SEL1L: variants seen among roughly 807,000 people sequenced by gnomAD.
The protein encoded by SEL1L is protein sel-1 homolog 1.
A neutral mutation model predicts 109.8 loss-of-function variants in SEL1L; 52 were observed. The observed-to-expected ratio is 0.47, with a 90% CI of 0.38 to 0.60. SEL1L has a LOEUF of 0.60. Ranked by LOEUF, SEL1L falls within the 20% of genes least tolerant of loss-of-function variation. The probability of loss-of-function intolerance (pLI) is 0.00; values close to 1 mark genes in which losing one functional copy is unlikely to be tolerated. For missense variants in SEL1L, 749 were observed against 962.2 expected (o/e 0.78, Z 2.93); for synonymous variants, 373 against 339.6 (o/e 1.10, Z -1.08).
At position 81,484,391 on chromosome 14, in the gene SEL1L, G is replaced by C. The variant is rs1903455170; in HGVS notation, c.1880C>G (p.Thr627Ser). The C allele has an allele frequency of 6.2e-7, 1 of 1,609,976 alleles. No individual in the cohort carries two copies. Among genetic ancestry groups the C allele is most frequent in the Non-Finnish European group, 8.5e-7 (1 of 1,176,740 alleles). Residue 627 changes from threonine to serine, a missense_variant, in exon 19 of 21, where the codon ACT becomes AGT. Transcript: ENST00000336735. ...HWNRAASQGY[T>S]VARIKLGDYH... ...GTCTCCGAGCTTAATTCTAGCCACA[G>C]TATAGCCTTAAACAAAAGTTAAATG...
chr14:81,507,533 A>G lies in SEL1L; in HGVS notation c.341-1292T>C, dbSNP rs150080527. ...CTAAAGGAGGAGTAGGTTACTGGGT[A>G]GGTACTGCTACATTCAAGGTGGCTA... On this transcript the variant is annotated intron_variant, in intron 3 of 20. Transcript: ENST00000336735. 4.0e-3 allele frequency among the ~76,000 whole-genome samples: 604 copies of G among 152,184 alleles called. 3 individuals are homozygous for G. The highest frequency in any genetic ancestry group is 0.02 in the Middle Eastern group (6 of 294).
Position 81,474,300 on chromosome 14 carries a change from A to C in SEL1L, c.*2672T>G, listed in dbSNP as rs578095121. ...TCTGTAAAATAAAACTAGAAGCAAAATGAATAGTTTCAAGACAGTCGGCTA... is the reference window on the plus strand; with the variant it reads ...TCTGTAAAATAAAACTAGAAGCAAACTGAATAGTTTCAAGACAGTCGGCTA... On this transcript the variant is annotated 3_prime_UTR_variant, in exon 21 of 21. Coordinates refer to ENST00000336735, the MANE Select transcript of SEL1L (RefSeq NM_005065.6). 2 of 152,130 alleles carry C rather than the reference A, an allele frequency of 1.3e-5. No homozygotes were observed. Among genetic ancestry groups the C allele is most frequent in the East Asian group, 3.9e-4 (2 of 5,184 alleles). 9.4% of individuals were successfully genotyped at this position (152,130 alleles called of 1,614,324 possible).
chr14:81,527,824 AAAT>A lies in SEL1L; in HGVS notation c.71-89_71-87del, dbSNP rs781140562. On this transcript the variant is annotated intron_variant, in intron 1 of 20. Coordinates refer to ENST00000336735, the MANE Select transcript of SEL1L (RefSeq NM_005065.6). ...AAAGAAAACATGTGAAAAGTATAGC[AAAT>A]AATAATCAAACATTGGATAAATAAA... is the stretch of plus-strand genomic sequence containing the variant. 5.9e-4 allele frequency: 500 copies of A among 851,254 alleles called. 1 individual carries two copies. Among genetic ancestry groups the A allele is most frequent in the Non-Finnish European group, 8.8e-4 (460 of 523,978 alleles). 52.7% of individuals were successfully genotyped at this position (851,254 alleles called of 1,614,324 possible). A position where few individuals can be genotyped will look rare whatever the true frequency, so the allele number is the denominator to read the frequency against.
chr14:81,496,139 T>C (rs775039691), intron 10 of SEL1L, among the ~76,000 whole-genome samples: 5 of 151,740 alleles, frequency 3.3e-5, no homozygotes, highest in Admixed American at 1.3e-4. Flanking sequence ...CTGGATAACA[T>C]GGTGAAACCC....
chr14:81,509,329 T>C (rs1884369393), intron 3 of SEL1L, among the ~76,000 whole-genome samples: 1 of 152,214 alleles, frequency 6.6e-6, no homozygotes. Context: ...AGGTAATCAC[T>C]GCTCTGGTAT....
intron 14 of SEL1L, chr14:81,488,872 G>A (rs909165748): frequency 1.1e-5 from 3 of 264,874 alleles, no homozygotes; most frequent in African/African-American, 7.0e-5. Flanking sequence ...AGGGGTAAAG[G>A]GCAGAACAGA....
intron 20 of SEL1L, 119 bp from the exon 21 acceptor site, chr14:81,477,300 G>T: frequency 4.2e-6 from 2 of 481,366 alleles, no homozygotes; most frequent in Non-Finnish European, 3.6e-6. Flanking sequence ...AAAACGTTTT[G>T]CAATGTGTGT....
rs552830169 is a variant in SEL1L at position 81,499,878 on chromosome 14, T to A, written c.778-216A>T. On this transcript the variant is annotated intron_variant, in intron 6 of 20. Transcript: ENST00000336735. ...AATTAAATTAAATGTAGCATTATTT[T>A]AAAAAAAATTTTATTTATTTGTGGC... Among the ~76,000 whole-genome samples the A allele has an allele frequency of 4.1e-4, 62 of 150,380 alleles. 2 individuals are homozygous for A. In the East Asian group the frequency reaches 7.2e-3, roughly 17 times the overall value.
chr14:81,529,390 A>AC (rs1260588799), intron 1 of SEL1L, among the ~76,000 whole-genome samples: 1 of 152,150 alleles, frequency 6.6e-6, no homozygotes, highest in African/African-American at 2.4e-5. Flanking sequence ...TATATGAAAT[A>AC]CCCCCAAATA....
At position 81,498,005 on chromosome 14, in the gene SEL1L, T is replaced by G. The variant is rs760246207; in HGVS notation, c.1015A>C (p.Arg339=). Residue 339 remains arginine, a synonymous_variant, in exon 10 of 21, where the codon AGA becomes CGA. Transcript: ENST00000336735. ...ISLTGGSVVQ[R]IRLPDEVENP... ...TCCACTTCATCAGGCAGCCGTATTCTCTGTACTACTGAGCCTCCTGTTAGC... is the reference window on the plus strand; with the variant it reads ...TCCACTTCATCAGGCAGCCGTATTCGCTGTACTACTGAGCCTCCTGTTAGC... 1 of 1,613,928 alleles carries G rather than the reference T, an allele frequency of 6.2e-7. No individual in the cohort carries two copies. The highest frequency in any genetic ancestry group is 1.7e-5 in the Admixed American group (1 of 59,984).
At chr14:81,487,666 A>G in intron 15 of SEL1L, 128 bp from the exon 16 acceptor site, 1 of 1,507,714 alleles carries the variant, frequency 6.6e-7, no homozygotes, top group Non-Finnish European at 8.9e-7. Flanking sequence ...TGAATCTAAT[A>G]CAAGCTAACA....
At position 81,497,813 on chromosome 14, in the gene SEL1L, A is replaced by G. The variant is rs560893761; in HGVS notation, c.1128+79T>C. On this transcript the variant is annotated intron_variant, in intron 10 of 20. Transcript: ENST00000336735. ...GGCAATGAAAATGTAACTTACAGAT[A>G]TAAGTGCTTGCTCCCGTCCCCCACA... 1.8e-5 allele frequency: 23 copies of G among 1,298,654 alleles called. No individual in the cohort carries two copies. In the African/African-American group the frequency reaches 2.1e-4, roughly 12 times the overall value. 80.4% of individuals were successfully genotyped at this position (1,298,654 alleles called of 1,614,324 possible). A position where few individuals can be genotyped will look rare whatever the true frequency, so the allele number is the denominator to read the frequency against.
intron 6 of SEL1L, among the ~76,000 whole-genome samples, chr14:81,501,598 T>C (rs932870751): frequency 1.3e-5 from 2 of 152,194 alleles, no homozygotes; most frequent in African/African-American, 2.4e-5. Flanking sequence ...CTCCTGTTAT[T>C]GTTTATATAG....
intron 18 of SEL1L, among the ~76,000 whole-genome samples, chr14:81,485,456 T>G (rs1345476934): frequency 6.6e-6 from 1 of 151,736 alleles, no homozygotes; most frequent in Non-Finnish European, 1.5e-5. Context: ...TTTTTGTTTT[T>G]TTTTTTTTTA....
intron 3 of SEL1L, among the ~76,000 whole-genome samples, chr14:81,511,843 CTTTTT>C (rs1817485277): frequency 6.6e-6 from 1 of 152,040 alleles, no homozygotes; most frequent in Non-Finnish European, 1.5e-5. Context: ...CTCTATTTTT[CTTTTT>C]TAAGGCTATA....
At chr14:81,510,802 C>A (rs888923677) in intron 3 of SEL1L, among the ~76,000 whole-genome samples, 1 of 151,958 alleles carries the variant, frequency 6.6e-6, no homozygotes, top group African/African-American at 2.4e-5. Flanking sequence ...TCAAAGATAG[C>A]TGAGAAACAA....
chr14:81,521,899 G>T (rs1884919679), intron 3 of SEL1L, among the ~76,000 whole-genome samples: 1 of 152,160 alleles, frequency 6.6e-6, no homozygotes, highest in South Asian at 2.1e-4. Flanking sequence ...TGGCCCTGAA[G>T]ACCTTCCAAT....
At chr14:81,501,434 A>G (rs1039074034) in intron 6 of SEL1L, among the ~76,000 whole-genome samples, 1 of 152,218 alleles carries the variant, frequency 6.6e-6, no homozygotes, top group Admixed American at 6.5e-5. Flanking sequence ...AAATAAGAAT[A>G]TATATGTTTT....
intron 3 of SEL1L, among the ~76,000 whole-genome samples, chr14:81,523,351 G>A (rs1209434239): frequency 6.6e-6 from 1 of 152,064 alleles, no homozygotes; most frequent in African/African-American, 2.4e-5. Flanking sequence ...CTGAGTTCTG[G>A]GAGTTTCTGG....
Sources: gnomAD v4.1 joint callset for allele counts (sites outside exome capture counted in the v4.1 genomes callset) on GRCh38, gnomAD v4.1.1 for gene constraint, MANE v1.5 for transcripts, NCBI Gene and HGNC (gene_info 2026-07-23, HGNC 2026-07-21) for gene names.